The following NRG2 variants were observed in gnomAD, a reference collection of about 807,000 sequenced individuals.
NRG2 encodes the protein pro-neuregulin-2, membrane-bound isoform.
Under a neutral mutation model 73.9 loss-of-function variants are expected in NRG2, and 27 were observed. That is an observed-to-expected ratio of 0.37 (90% CI 0.27 to 0.50). The LOEUF is 0.50. NRG2 is among the 20% of genes least tolerant of loss of function. NRG2 has a pLI of 0.96. For synonymous variants in NRG2, 532 were observed against 541.0 expected, an observed-to-expected ratio of 0.98 and a Z score of 0.23; for missense variants, 1,126 against 1,210.1, an observed-to-expected ratio of 0.93 and a Z score of 1.03.
chr5:139,882,606 A>G (rs933473819), intron 2 of NRG2, among the ~76,000 whole-genome samples: 7 of 152,078 alleles, frequency 4.6e-5, no homozygotes, highest in African/African-American at 1.7e-4. Context: ...GCTCCAGCCA[A>G]ATTAGATGCC....
At chr5:139,968,634 C>G (rs754251171) in intron 1 of NRG2, among the ~76,000 whole-genome samples, 3 of 152,206 alleles carry the variant, frequency 2.0e-5, no homozygotes, top group Admixed American at 6.5e-5. Context: ...GCCAGCTGTC[C>G]ACACTGGGAG....
At chr5:139,862,334 G>A (rs1224308993) in intron 5 of NRG2, among the ~76,000 whole-genome samples, 1 of 152,188 alleles carries the variant, frequency 6.6e-6, no homozygotes. Context: ...CAGTCACTGG[G>A]TAGGCAGCTT....
In NRG2 at chr5:139,851,637, A is replaced by G. The variant is rs1450550246; in HGVS notation, c.1739T>C (p.Val580Ala). 1 of 1,614,124 alleles carries G rather than the reference A, an allele frequency of 6.2e-7. No homozygotes were observed. ...GTGTGGGGAGTCGCGAAGGGAGTCC[A>G]CGGAATCGTGATAGGGTGGCGCGGT... Reference protein sequence around the residue: ...RATAPPYHDSVDSLRDSPHSE... With the variant: ...RATAPPYHDSADSLRDSPHSE... Residue 580 changes from valine to alanine, a missense_variant, in exon 9 of 10, where the codon GTG becomes GCG. By Grantham distance (64) the Val-to-Ala change is moderately conservative. Coordinates refer to ENST00000361474, the MANE Select transcript of NRG2 (RefSeq NM_004883.3). The surrounding 1 kb of genome is among the most constrained non-coding windows in gnomAD (Gnocchi z 4.2).
intron 1 of NRG2, among the ~76,000 whole-genome samples, chr5:140,038,498 G>A (rs1368812418): frequency 1.3e-5 from 2 of 152,192 alleles, no homozygotes; most frequent in East Asian, 1.9e-4. Flanking sequence ...CGGAAGAAAG[G>A]TTCCCATAGC....
At chr5:139,881,450 T>G (rs1483165927) in intron 2 of NRG2, among the ~76,000 whole-genome samples, 1 of 152,222 alleles carries the variant, frequency 6.6e-6, no homozygotes, top group South Asian at 2.1e-4. Context: ...CCCAGACTCC[T>G]AGTCCAAACC....
At chr5:140,022,066 A>G (rs1472888081) in intron 1 of NRG2, among the ~76,000 whole-genome samples, 1 of 152,072 alleles carries the variant, frequency 6.6e-6, no homozygotes, top group African/African-American at 2.4e-5. Flanking sequence ...CTGCTTCTCC[A>G]ACTCATACTT....
chr5:139,975,765 C>A (rs1047405818), intron 1 of NRG2, among the ~76,000 whole-genome samples: 1 of 152,202 alleles, frequency 6.6e-6, no homozygotes, highest in African/African-American at 2.4e-5. Flanking sequence ...ACCTCCCCTA[C>A]CTCTGCCTCA....
At chr5:140,031,605 A>T (rs1472246701) in intron 1 of NRG2, among the ~76,000 whole-genome samples, 1 of 152,204 alleles carries the variant, frequency 6.6e-6, no homozygotes, top group African/African-American at 2.4e-5. Context: ...GACATGACAG[A>T]TCATCTGCTT....
chr5:139,888,508 A>G (rs933356895), intron 1 of NRG2, among the ~76,000 whole-genome samples: 3 of 152,128 alleles, frequency 2.0e-5, no homozygotes, highest in African/African-American at 2.4e-5. Flanking sequence ...GGTCTGTTGG[A>G]GCCAGGGAGT....
At chr5:139,971,822 C>G (rs947153634) in intron 1 of NRG2, among the ~76,000 whole-genome samples, 1 of 152,114 alleles carries the variant, frequency 6.6e-6, no homozygotes, top group Non-Finnish European at 1.5e-5. Flanking sequence ...TACAACATAT[C>G]TCCCCAAGGT....
At chr5:139,944,704 G>A (rs1394852535) in intron 1 of NRG2, among the ~76,000 whole-genome samples, 1 of 152,180 alleles carries the variant, frequency 6.6e-6, no homozygotes, top group Non-Finnish European at 1.5e-5. Context: ...ATTGTGAACA[G>A]TGCTGTAATC....
chr5:139,851,992 C>G lies in NRG2; in HGVS notation c.1545-161G>C, dbSNP rs927584535. ...GATGTGTATTGTTGCAAATGCCCAA[C>G]CCCAATATTGGAAGAAGGAGGGCTG... On this transcript the variant is annotated intron_variant, in intron 8 of 9. Coordinates refer to ENST00000361474, the MANE Select transcript of NRG2 (RefSeq NM_004883.3). This position sits in a 1 kb window ranked among gnomAD's most constrained non-coding sequence, Gnocchi z 4.2. Among the ~76,000 whole-genome samples the G allele has an allele frequency of 1.3e-5, 2 of 152,188 alleles. No individual in the cohort carries two copies. The highest frequency in any genetic ancestry group is 4.8e-5 in the African/African-American group (2 of 41,438).
intron 1 of NRG2, among the ~76,000 whole-genome samples, chr5:139,966,575 G>C (rs1391841135): frequency 6.6e-6 from 1 of 152,158 alleles, no homozygotes; most frequent in Non-Finnish European, 1.5e-5. Flanking sequence ...GCAAAGACTG[G>C]AGGAGGAAAG....
intron 2 of NRG2, among the ~76,000 whole-genome samples, chr5:139,883,113 G>A (rs1763638788): frequency 6.6e-6 from 1 of 152,088 alleles, no homozygotes; most frequent in Non-Finnish European, 1.5e-5. Flanking sequence ...CCAGCTCCAG[G>A]TGGAAGCCTG....
intron 1 of NRG2, among the ~76,000 whole-genome samples, chr5:139,994,878 T>A (rs1339586320): frequency 6.6e-6 from 1 of 151,910 alleles, no homozygotes; most frequent in African/African-American, 2.4e-5. Flanking sequence ...TTGGGGCCAA[T>A]GAAAGGATGG....
At chr5:139,998,785 G>A (rs1368714751) in intron 1 of NRG2, among the ~76,000 whole-genome samples, 3 of 152,064 alleles carry the variant, frequency 2.0e-5, no homozygotes, top group Non-Finnish European at 4.4e-5. Context: ...GAACCATACT[G>A]TTACTTGAAA....
At chr5:140,024,024 G>A (rs1226183926) in intron 1 of NRG2, among the ~76,000 whole-genome samples, 2 of 151,982 alleles carry the variant, frequency 1.3e-5, no homozygotes, top group Admixed American at 1.3e-4. Flanking sequence ...TCAAACAGAC[G>A]TAAAACTGAC....
chr5:140,016,259 T>G (rs1320178665), intron 1 of NRG2, among the ~76,000 whole-genome samples: 1 of 152,228 alleles, frequency 6.6e-6, no homozygotes, highest in East Asian at 1.9e-4. Context: ...TCTGCTACTG[T>G]CCAATTCTAT....
intron 1 of NRG2, among the ~76,000 whole-genome samples, chr5:139,910,195 A>G (rs1474116553): frequency 6.6e-6 from 1 of 152,174 alleles, no homozygotes; most frequent in Non-Finnish European, 1.5e-5. Flanking sequence ...CTGTCAGCCA[A>G]CCCGGAAAGC....
Sources: allele counts gnomAD v4.1 joint callset (sites outside exome capture counted in the v4.1 genomes callset), GRCh38; gene constraint gnomAD v4.1.1; non-coding constraint Gnocchi (gnomAD v3.1); transcripts MANE v1.5; gene names NCBI Gene and HGNC (gene_info 2026-07-23, HGNC 2026-07-21).